OR51F2: variants seen among roughly 807,000 people sequenced by gnomAD.
The protein encoded by OR51F2 is olfactory receptor family 51 subfamily F member 2, also known as olfactory receptor 51F2.
For synonymous variants in OR51F2, 172 were observed against 153.6 expected (o/e 1.12, Z -0.89); for missense variants, 435 against 401.4 (o/e 1.08, Z -0.72).
Position 4,822,146 on chromosome 11 carries a change from C to A in OR51F2, c.725C>A (p.Thr242Asn). 6.2e-7 allele frequency: 1 copy of A among 1,613,588 alleles called. No individual in the cohort carries two copies. The highest frequency in any genetic ancestry group is 1.1e-5 in the South Asian group (1 of 90,926). Residue 242 changes from threonine to asparagine, a missense_variant, in exon 1 of 1, where the codon ACC (threonine) becomes AAC (asparagine). Thr to Asn is a moderately conservative substitution (Grantham distance 65). Transcript: ENST00000322110. ...GAAGAGAGGCGGAAAGCCTTCAACA[C>A]CTGCACATCCCACATCAGTGCTGTT... is the stretch of plus-strand genomic sequence containing the variant. ...SSEERRKAFN[T>N]CTSHISAVSI...
At position 4,821,767 on chromosome 11, in the gene OR51F2, G is replaced by A; in HGVS notation, c.346G>A (p.Val116Ile). 3.1e-6 allele frequency: 5 copies of A among 1,613,804 alleles called. No individual in the cohort carries two copies. The highest frequency in any genetic ancestry group is 4.2e-6 in the Non-Finnish European group (5 of 1,179,892). ...LHGFTFMESGVLLAMAFDRFV... is the reference protein window; with the variant it reads ...LHGFTFMESGILLAMAFDRFV... ...CGGATTTACTTTCATGGAGTCTGGG[G>A]TTCTACTGGCCATGGCCTTTGATCG... The change falls in exon 1 of 1, where the codon GTT becomes ATT. Residue 116 changes from valine (V) to isoleucine (I), a missense_variant. Physicochemically the swap from Val to Ile is conservative, Grantham distance 29. Coordinates refer to ENST00000322110, the MANE Select transcript of OR51F2 (RefSeq NM_001004753.2).
Position 4,822,097 on chromosome 11 carries a change from T to A in OR51F2, c.676T>A (p.Ser226Thr). 6.2e-7 allele frequency: 1 copy of A among 1,613,256 alleles called. No homozygotes were observed. The highest frequency in any genetic ancestry group is 8.5e-7 in the Non-Finnish European group (1 of 1,179,908). ...ILLSYILIIR[S>T]VLSIASSEER... is the part of the protein sequence containing the mutation. ...GCTCTCCTATATCCTGATCATTCGA[T>A]CTGTCCTCAGCATTGCTTCCTCAGA... Residue 226 changes from serine (S) to threonine (T), a missense_variant, in exon 1 of 1, where the codon TCT (serine) becomes ACT (threonine). Transcript: ENST00000322110.
chr11:4,822,280 C>T lies in OR51F2; in HGVS notation c.859C>T (p.Pro287Ser), dbSNP rs191918137. 6.0e-5 allele frequency: 93 copies of T among 1,559,528 alleles called. No homozygotes were observed. In the East Asian group the frequency reaches 1.8e-3, roughly 31 times the overall value. The change falls in exon 1 of 1, where the codon CCT (proline) becomes TCT (serine). Residue 287 changes from proline to serine, a missense_variant. Physicochemically the swap from Pro to Ser is moderately conservative, Grantham distance 74. Coordinates refer to ENST00000322110, the MANE Select transcript of OR51F2 (RefSeq NM_001004753.2). The stretch of plus-strand genomic sequence containing the variant: ...GGCCAATGTCTTTCTGCTAATCCCT[C>T]CTGTGCTCAACCCTATTATTTACAG... ...IMANVFLLIP[P>S]VLNPIIYSVK...
At position 4,821,328 on chromosome 11, in the gene OR51F2, T is replaced by A; in HGVS notation, c.-94T>A. On this transcript the variant is annotated 5_prime_UTR_variant, in exon 1 of 1. Coordinates refer to ENST00000322110, the MANE Select transcript of OR51F2 (RefSeq NM_001004753.2). ...AAATTAGAAATAATAACTCAGTGAA[T>A]CTTGAAGTGCCAGAGAGATGTTACA... 1 of 1,359,354 alleles carries A rather than the reference T, an allele frequency of 7.4e-7. No homozygotes were observed. The allele number at this position is 1,359,354 out of a possible 1,614,324, so 84.2% of individuals were successfully genotyped here.
In OR51F2 at chr11:4,822,216, C is replaced by T; in HGVS notation, c.795C>T (p.Arg265=). 1.3e-6 allele frequency: 2 copies of T among 1,587,756 alleles called. No homozygotes were observed. The highest frequency in any genetic ancestry group is 1.7e-6 in the Non-Finnish European group (2 of 1,166,020). The change falls in exon 1 of 1, where the codon CGC becomes CGT. Residue 265 remains arginine, a synonymous_variant. Coordinates refer to ENST00000322110, the MANE Select transcript of OR51F2 (RefSeq NM_001004753.2). The part of the protein sequence containing the change: ...LPLISLSLVH[R]YGHSAPPFVH... ...TCATCAGTTTGTCTCTTGTCCATCG[C>T]TATGGCCATTCAGCACCTCCATTTG...
rs752518921 is a variant in OR51F2, at chr11:4,821,888, C to T, written c.467C>T (p.Ala156Val). The T allele has an allele frequency of 6.2e-6, 10 of 1,613,906 alleles. 2 individuals carry two copies. In the South Asian group the frequency reaches 1.1e-4, roughly 18 times the overall value. ...IGMSMLIRNVAVMLPVMLFVK... is the reference protein window; with the variant it reads ...IGMSMLIRNVVVMLPVMLFVK... ...ATGAGCATGTTGATAAGAAATGTTG[C>T]CGTCATGTTGCCAGTCATGCTCTTT... The change falls in exon 1 of 1, where the codon GCC (alanine) becomes GTC (valine). Residue 156 changes from alanine (A) to valine (V), a missense_variant. Coordinates refer to ENST00000322110, the MANE Select transcript of OR51F2 (RefSeq NM_001004753.2).
chr11:4,821,813 C>T lies in OR51F2; in HGVS notation c.392C>T (p.Pro131Leu), dbSNP rs756832874. Residue 131 changes from proline to leucine, a missense_variant, in exon 1 of 1, where the codon CCA (proline) becomes CTA (leucine). Transcript: ENST00000322110. ...GATCGTTTTGTGGCCATCTGTTACC[C>T]ACTGAGATACACTACCATCCTTACC... The part of the protein sequence containing the change: ...AFDRFVAICY[P>L]LRYTTILTNA... 2.6e-5 allele frequency: 42 copies of T among 1,612,636 alleles called. No individual in the cohort carries two copies. The highest frequency in any genetic ancestry group is 3.3e-5 in the Admixed American group (2 of 59,952).
In OR51F2 at chr11:4,822,421, T is replaced by C; in HGVS notation, c.*7T>C. On this transcript the variant is annotated 3_prime_UTR_variant, in exon 1 of 1. Transcript: ENST00000322110. The stretch of plus-strand genomic sequence containing the variant: ...TAAAGCCATTTATGAATAAGTGCTT[T>C]GCTACAATGGAGTAATTGTCCCAAA... The C allele has an allele frequency of 7.1e-7, 1 of 1,418,088 alleles. No individual in the cohort carries two copies. The highest frequency in any genetic ancestry group is 9.2e-7 in the Non-Finnish European group (1 of 1,084,164). The allele number at this position is 1,418,088 out of a possible 1,614,324, so 87.8% of individuals were successfully genotyped here. A position where few individuals can be genotyped will look rare whatever the true frequency, so the allele number is the denominator to read the frequency against.
At position 4,821,916 on chromosome 11, in the gene OR51F2, C is replaced by T. The variant is rs1382479218; in HGVS notation, c.495C>T (p.Val165=). ...TCATGTTGCCAGTCATGCTCTTTGT[C>T]AAGAGGTTGTCCTTCTGCAGTTCTA... The part of the protein sequence containing the change: ...VAVMLPVMLF[V]KRLSFCSSMV... Residue 165 remains valine (V), a synonymous_variant, in exon 1 of 1, where the codon GTC becomes GTT. Transcript: ENST00000322110. The T allele has an allele frequency of 6.2e-7, 1 of 1,613,980 alleles. No homozygotes were observed. Among genetic ancestry groups the T allele is most frequent in the East Asian group, 2.2e-5 (1 of 44,880 alleles).
At position 4,821,593 on chromosome 11, in the gene OR51F2, C is replaced by T. The variant is rs113742153; in HGVS notation, c.172C>T (p.His58Tyr). The change falls in exon 1 of 1, where the codon CAT becomes TAT. Residue 58 changes from histidine to tyrosine, a missense_variant. Transcript: ENST00000322110. ...LFVVLCERSL[H>Y]KPMYYFLSML... ...TGTGGTCCTCTGTGAACGGAGCCTC[C>T]ATAAGCCTATGTACTATTTCCTCTC... 6.9e-5 allele frequency: 111 copies of T among 1,613,806 alleles called. 2 individuals are homozygous for T. The African/African-American group carries it at 1.1e-3, about 16-fold the overall frequency.
chr11:4,822,067 A>C lies in OR51F2; in HGVS notation c.646A>C (p.Ile216Leu), dbSNP rs377283160. 6.2e-7 allele frequency: 1 copy of C among 1,613,880 alleles called. No homozygotes were observed. The highest frequency in any genetic ancestry group is 8.5e-7 in the Non-Finnish European group (1 of 1,179,884). The change falls in exon 1 of 1, where the codon ATC becomes CTC. Residue 216 changes from isoleucine to leucine, a missense_variant. Ile to Leu is a conservative substitution (Grantham distance 5). Coordinates refer to ENST00000322110, the MANE Select transcript of OR51F2 (RefSeq NM_001004753.2). The part of the protein sequence containing the change: ...LSTTGFDCPC[I>L]LLSYILIIRS... ...CACTACAGGGTTTGACTGCCCTTGC[A>C]TCCTGCTCTCCTATATCCTGATCAT...
rs1386084866 is a variant in OR51F2 at position 4,821,754 on chromosome 11, C to T, written c.333C>T (p.Phe111=). The T allele has an allele frequency of 6.2e-7, 1 of 1,613,948 alleles. No homozygotes were observed. The highest frequency in any genetic ancestry group is 8.5e-7 in the Non-Finnish European group (1 of 1,179,928). The part of the protein sequence containing the change: ...AQMFFLHGFT[F]MESGVLLAMA... ...TGTTCTTTCTACACGGATTTACTTT[C>T]ATGGAGTCTGGGGTTCTACTGGCCA... is the stretch of plus-strand genomic sequence containing the variant. The change falls in exon 1 of 1, where the codon TTC becomes TTT. Residue 111 remains phenylalanine (F), a synonymous_variant. Coordinates refer to ENST00000322110, the MANE Select transcript of OR51F2 (RefSeq NM_001004753.2).
At position 4,822,109 on chromosome 11, in the gene OR51F2, A is replaced by G; in HGVS notation, c.688A>G (p.Ile230Val). ...YILIIRSVLS[I>V]ASSEERRKAF... Reference sequence around the variant, plus strand: ...CCTGATCATTCGATCTGTCCTCAGCATTGCTTCCTCAGAAGAGAGGCGGAA... The same window carrying G: ...CCTGATCATTCGATCTGTCCTCAGCGTTGCTTCCTCAGAAGAGAGGCGGAA... The change falls in exon 1 of 1, where the codon ATT becomes GTT. Residue 230 changes from isoleucine (I) to valine (V), a missense_variant. Transcript: ENST00000322110. 1 of 1,613,816 alleles carries G rather than the reference A, an allele frequency of 6.2e-7. No homozygotes were observed. Among genetic ancestry groups the G allele is most frequent in the Non-Finnish European group, 8.5e-7 (1 of 1,179,870 alleles).
chr11:4,821,460 C>A lies in OR51F2; in HGVS notation c.39C>A (p.Ile13=), dbSNP rs1170154322. ...VLNNTIAEPL[I]FLLMGIPGLK... is the part of the protein sequence containing the mutation. Reference sequence around the variant, plus strand: ...ATAATACCATTGCTGAGCCTCTGATCTTCCTCCTGATGGGCATTCCAGGCC... The same window carrying A: ...ATAATACCATTGCTGAGCCTCTGATATTCCTCCTGATGGGCATTCCAGGCC... The change falls in exon 1 of 1, where the codon ATC becomes ATA. Residue 13 remains isoleucine (I), a synonymous_variant. Transcript: ENST00000322110. The A allele has an allele frequency of 6.2e-7, 1 of 1,613,766 alleles. No individual in the cohort carries two copies. The highest frequency in any genetic ancestry group is 1.7e-5 in the Admixed American group (1 of 59,986).
In OR51F2 at chr11:4,822,033, GC is replaced by G; in HGVS notation, c.613del (p.Leu205PhefsTer18). The G allele has an allele frequency of 6.2e-7, 1 of 1,613,822 alleles. No individual in the cohort carries two copies. Among genetic ancestry groups the G allele is most frequent in the South Asian group, 1.1e-5 (1 of 91,058 alleles). ...TCAACAGCATCCTTGGTCTGTTTGC[GC>G]TTTTGTCCACTACAGGGTTTGACTG... is the stretch of plus-strand genomic sequence containing the variant. ...RINSILGLFA[L>X]LSTTGFDCPC... On this transcript the variant is annotated frameshift_variant, in exon 1 of 1. Transcript: ENST00000322110. LOFTEE classifies it low-confidence loss of function (END_TRUNC).
At position 4,821,529 on chromosome 11, in the gene OR51F2, A is replaced by G. The variant is rs779218929; in HGVS notation, c.108A>G (p.Leu36=). The change falls in exon 1 of 1, where the codon CTA becomes CTG. Residue 36 remains leucine (L), a synonymous_variant. Coordinates refer to ENST00000322110, the MANE Select transcript of OR51F2 (RefSeq NM_001004753.2). ...QYWISIPFCL[L]YVVAVSGNSM... ...GGATCTCCATCCCTTTTTGTCTCCT[A>G]TATGTTGTTGCCGTCTCTGGAAATA... The G allele has an allele frequency of 1.9e-6, 3 of 1,611,670 alleles. No homozygotes were observed. The highest frequency in any genetic ancestry group is 1.1e-5 in the South Asian group (1 of 90,674).
At position 4,821,767 on chromosome 11, in the gene OR51F2, G is replaced by C. The variant is rs138738065; in HGVS notation, c.346G>C (p.Val116Leu). Residue 116 changes from valine (V) to leucine (L), a missense_variant, in exon 1 of 1, where the codon GTT becomes CTT. Physicochemically the swap from Val to Leu is conservative, Grantham distance 32 (BLOSUM62 1). Coordinates refer to ENST00000322110, the MANE Select transcript of OR51F2 (RefSeq NM_001004753.2). ...CGGATTTACTTTCATGGAGTCTGGG[G>C]TTCTACTGGCCATGGCCTTTGATCG... ...LHGFTFMESG[V>L]LLAMAFDRFV... 2.6e-4 allele frequency: 425 copies of C among 1,613,804 alleles called. 1 individual carries two copies. Among genetic ancestry groups the C allele is most frequent in the Middle Eastern group, 3.3e-4 (2 of 6,058 alleles).
chr11:4,822,197 GT>G lies in OR51F2; in HGVS notation c.779del (p.Leu260CysfsTer25). 6.2e-7 allele frequency: 1 copy of G among 1,600,074 alleles called. No individual in the cohort carries two copies. ...AVSIFYLPLI[S>X]LSLVHRYGHS... ...TCCATCTTCTACCTCCCTCTCATCA[GT>G]TTGTCTCTTGTCCATCGCTATGGCC... On this transcript the variant is annotated frameshift_variant, in exon 1 of 1. Transcript: ENST00000322110. LOFTEE classifies it low-confidence loss of function (END_TRUNC).
rs1289855354 is a variant in OR51F2 at position 4,822,028 on chromosome 11, T to C, written c.607T>C (p.Phe203Leu). 1.9e-6 allele frequency: 3 copies of C among 1,613,974 alleles called. No individual in the cohort carries two copies. Among genetic ancestry groups the C allele is most frequent in the Non-Finnish European group, 2.5e-6 (3 of 1,179,934 alleles). The change falls in exon 1 of 1, where the codon TTT (phenylalanine) becomes CTT (leucine). Residue 203 changes from phenylalanine to leucine, a missense_variant. Transcript: ENST00000322110. ...TAGGATCAACAGCATCCTTGGTCTG[T>C]TTGCGCTTTTGTCCACTACAGGGTT... ...DNRINSILGL[F>L]ALLSTTGFDC...
Sources: gnomAD v4.1 joint callset for allele counts on GRCh38, gnomAD v4.1.1 for gene constraint, MANE v1.5 for transcripts, NCBI Gene and HGNC (gene_info 2026-07-23, HGNC 2026-07-21) for gene names.